C1QTNF1: variants seen among roughly 807,000 people sequenced by gnomAD.
The protein encoded by C1QTNF1 is C1q and TNF related 1.
Under a neutral mutation model 27.8 loss-of-function variants are expected in C1QTNF1, and 22 were observed. That is an observed-to-expected ratio of 0.79 (90% CI 0.56 to 1.13). The LOEUF is 1.13. Among genes scored for constraint, C1QTNF1 ranks in the 50% most tolerant of loss-of-function variants. The pLI is 0.00. For synonymous variants in C1QTNF1, 166 were observed against 154.3 expected, an observed-to-expected ratio of 1.08 and a Z score of -0.56; for missense variants, 373 against 380.2, an observed-to-expected ratio of 0.98 and a Z score of 0.16.
chr17:79,028,183 G>A (rs982822844), intron 1 of C1QTNF1, among the ~76,000 whole-genome samples: 1 of 152,210 alleles, frequency 6.6e-6, no homozygotes, highest in Non-Finnish European at 1.5e-5. Flanking sequence ...ACAGGCAGGC[G>A]GGGCATGGGG....
At chr17:79,045,173 G>A (rs756553953) in intron 2 of C1QTNF1, among the ~76,000 whole-genome samples, 2 of 152,178 alleles carry the variant, frequency 1.3e-5, no homozygotes, top group Non-Finnish European at 1.5e-5. Flanking sequence ...ACACCTGCGG[G>A]CCTCCCAGGT....
chr17:79,034,494 C>T (rs930947718), intron 1 of C1QTNF1: 1 of 152,292 alleles, frequency 6.6e-6, no homozygotes, highest in Admixed American at 6.5e-5. Context: ...TTTGCAGGGC[C>T]TGGGCAAAAA....
At position 79,030,319 on chromosome 17, in the gene C1QTNF1, T is replaced by TG. The variant is rs1568060766; in HGVS notation, c.-15+5825_-15+5826insG. 7.4e-3 allele frequency among the ~76,000 whole-genome samples: 1,092 copies of TG among 147,918 alleles called. 35 individuals carry two copies. The East Asian group carries it at 0.11, about 15-fold the overall frequency. Reference sequence around the variant, plus strand: ...GGGTGGCCTTTGGGTCTTTGTGGTTTTGTGTGTGTGTGTGTGTGTGTGTGT... The same window carrying TG: ...GGGTGGCCTTTGGGTCTTTGTGGTTTGTGTGTGTGTGTGTGTGTGTGTGTGT... On this transcript the variant is annotated intron_variant, in intron 1 of 3. Transcript: ENST00000579760.
intron 1 of C1QTNF1, chr17:79,034,340 G>A (rs544424641): frequency 5.6e-4 from 86 of 152,474 alleles, no homozygotes; most frequent in African/African-American, 2.0e-3. Flanking sequence ...GCCGCCCGAG[G>A]CCTTCCAGCT....
At position 79,025,304 on chromosome 17, in the gene C1QTNF1, C is replaced by T. The variant is rs559051357; in HGVS notation, c.-15+810C>T. ...GGCCAATACCCGGGCCACACTCTTC[C>T]AGCCCCAGAAAGCCAGATTATCTTC... On this transcript the variant is annotated intron_variant, in intron 1 of 3. Coordinates refer to ENST00000579760, the MANE Select transcript of C1QTNF1 (RefSeq NM_030968.5). Among the ~76,000 whole-genome samples the T allele has an allele frequency of 1.1e-3, 163 of 152,296 alleles. 1 individual carries two copies. Among genetic ancestry groups the T allele is most frequent in the African/African-American group, 3.8e-3 (156 of 41,568 alleles).
chr17:79,033,573 G>A (rs139541115), intron 1 of C1QTNF1, among the ~76,000 whole-genome samples: 1 of 151,912 alleles, frequency 6.6e-6, no homozygotes, highest in African/African-American at 2.4e-5. Context: ...GGATGTGGTG[G>A]CATGTGCTTG....
chr17:79,041,331 G>A (rs2072402166), intron 1 of C1QTNF1, among the ~76,000 whole-genome samples: 1 of 152,184 alleles, frequency 6.6e-6, no homozygotes, highest in African/African-American at 2.4e-5. Context: ...GTAGGTATGT[G>A]TGACAGGGGA....
intron 3 of C1QTNF1, 27 bp from the exon 4 acceptor site, chr17:79,047,511 C>T (rs2072617313): frequency 6.6e-7 from 1 of 1,517,180 alleles, no homozygotes; most frequent in Non-Finnish European, 8.8e-7. Context: ...GCTCCATTAA[C>T]AGCACGCGTT....
intron 1 of C1QTNF1, among the ~76,000 whole-genome samples, chr17:79,033,504 C>T (rs2072188655): frequency 6.6e-6 from 1 of 151,710 alleles, no homozygotes; most frequent in Non-Finnish European, 1.5e-5. Flanking sequence ...TGAGACCAGC[C>T]TGGGAAACAT....
chr17:79,048,079 C>A lies in C1QTNF1; in HGVS notation c.837C>A (p.Thr279=). ...GTGGCTACCTGGTCAAGCACGCCAC[C>A]GAGCCCTAGCTGGCCGGCCACCTCC... is the stretch of plus-strand genomic sequence containing the variant. ...TFSGYLVKHA[T]EP Residue 279 remains threonine (T), a synonymous_variant, in exon 4 of 4, where the codon ACC becomes ACA. Transcript: ENST00000579760. The A allele has an allele frequency of 1.3e-6, 2 of 1,557,878 alleles. No homozygotes were observed. Among genetic ancestry groups the A allele is most frequent in the Non-Finnish European group, 8.6e-7 (1 of 1,156,654 alleles).
At chr17:79,041,556 T>A (rs1159093080) in intron 1 of C1QTNF1, among the ~76,000 whole-genome samples, 3 of 151,994 alleles carry the variant, frequency 2.0e-5, no homozygotes, top group Non-Finnish European at 2.9e-5. Context: ...GGTGGGTGGA[T>A]CACTTGAGGT....
intron 1 of C1QTNF1, among the ~76,000 whole-genome samples, chr17:79,037,530 C>A (rs571764209): frequency 1.3e-5 from 2 of 152,146 alleles, no homozygotes; most frequent in Non-Finnish European, 2.9e-5. Flanking sequence ...TCCTAAAGTG[C>A]TGGGATTACA....
intron 1 of C1QTNF1, among the ~76,000 whole-genome samples, chr17:79,043,102 G>A (rs1194780214): frequency 6.6e-6 from 1 of 151,494 alleles, no homozygotes; most frequent in Non-Finnish European, 1.5e-5. Context: ...GTGTGCATGT[G>A]TGCATGGATT....
intron 1 of C1QTNF1, chr17:79,025,128 C>G (rs536510821): frequency 6.6e-6 from 1 of 152,528 alleles, no homozygotes; most frequent in South Asian, 2.1e-4. Context: ...GCCTGTGCCG[C>G]TGGGAGTGGC....
Position 79,044,000 on chromosome 17 carries a change from C to A in C1QTNF1, c.32C>A (p.Ala11Glu), listed in dbSNP as rs1287641888. ...TCCCGTGGACAGGGACTCTTGCTGGCGTACTGCCTGCTCCTTGCCTTTGCC... is the reference window on the plus strand; with the variant it reads ...TCCCGTGGACAGGGACTCTTGCTGGAGTACTGCCTGCTCCTTGCCTTTGCC... Reference protein sequence around the residue: MGSRGQGLLLAYCLLLAFASG... With the variant: MGSRGQGLLLEYCLLLAFASG... Residue 11 changes from alanine to glutamate, a missense_variant, in exon 2 of 4, where the codon GCG (alanine) becomes GAG (glutamate). Physicochemically the swap from Ala to Glu is moderately radical, Grantham distance 107 (BLOSUM62 -1). Transcript: ENST00000579760. The A allele has an allele frequency of 6.2e-7, 1 of 1,614,168 alleles. No homozygotes were observed. Among genetic ancestry groups the A allele is most frequent in the Admixed American group, 1.7e-5 (1 of 60,030 alleles).
chr17:79,041,517 C>T (rs993053743), intron 1 of C1QTNF1, among the ~76,000 whole-genome samples: 1 of 152,184 alleles, frequency 6.6e-6, no homozygotes, highest in Non-Finnish European at 1.5e-5. Context: ...GTGGCTCACG[C>T]CTGGAATCCC....
At chr17:79,026,246 C>T (rs2071957109) in intron 1 of C1QTNF1, among the ~76,000 whole-genome samples, 1 of 152,086 alleles carries the variant, frequency 6.6e-6, no homozygotes, top group Non-Finnish European at 1.5e-5. Flanking sequence ...ACCTCCACCT[C>T]CCAGGTTCAA....
At chr17:79,033,297 T>A (rs542071236) in intron 1 of C1QTNF1, among the ~76,000 whole-genome samples, 21 of 152,132 alleles carry the variant, frequency 1.4e-4, no homozygotes, top group Non-Finnish European at 2.9e-4. Context: ...CATAGCTCCA[T>A]GTGGCTCGTA....
At chr17:79,031,356 C>T (rs2072136366) in intron 1 of C1QTNF1, among the ~76,000 whole-genome samples, 1 of 152,132 alleles carries the variant, frequency 6.6e-6, no homozygotes, top group Non-Finnish European at 1.5e-5. Flanking sequence ...TGGTTTACCA[C>T]AATCCCCATC....
Sources: gnomAD v4.1 joint callset for allele counts (sites outside exome capture counted in the v4.1 genomes callset) on GRCh38, gnomAD v4.1.1 for gene constraint, MANE v1.5 for transcripts, NCBI Gene and HGNC (gene_info 2026-07-23, HGNC 2026-07-21) for gene names.